Variants in SPRY3 observed in about 807,000 individuals in gnomAD.
SPRY3 encodes the protein protein sprouty homolog 3.
Under a neutral mutation model 20.2 loss-of-function variants are expected in SPRY3, and 15 were observed. The observed-to-expected ratio is 0.74, with a 90% CI of 0.50 to 1.14. The LOEUF (loss-of-function observed/expected upper bound fraction) is 1.14. SPRY3 is among the 50% of genes most tolerant of loss of function. The pLI, the probability that SPRY3 is intolerant of heterozygous loss-of-function variation, is 0.00. For synonymous variants in SPRY3, 143 were observed against 136.5 expected, an observed-to-expected ratio of 1.05 and a Z score of -0.33; for missense variants, 364 against 363.9, an observed-to-expected ratio of 1.00 and a Z score of 0.00.
chrX:155,748,864 C>G lies in SPRY3; in HGVS notation c.-281-19098C>G, dbSNP rs775278988. 3.2e-4 allele frequency among the ~76,000 whole-genome samples: 49 copies of G among 151,836 alleles called. 1 individual carries two copies. The highest frequency in any genetic ancestry group is 1.1e-3 in the African/African-American group (47 of 41,480). ...TTCACATGTACAGAAAATATGAATT[C>G]CAGCTAAAAACATTTTCTAATCTAG... On this transcript the variant is annotated intron_variant, in intron 2 of 3. Coordinates refer to ENST00000675360, the Ensembl canonical transcript of SPRY3.
downstream of SPRY3, chrX:155,779,147 C>T (rs1234214419): frequency 6.0e-6 from 1 of 166,948 alleles, no homozygotes; most frequent in African/African-American, 2.4e-5. Context: ...CAAATTCTTC[C>T]CCATGTGATA....
At chrX:155,692,290 C>A (rs946743246) in intron 2 of SPRY3, among the ~76,000 whole-genome samples, 2 of 110,818 alleles carry the variant, frequency 1.8e-5, no homozygotes, top group African/African-American at 6.6e-5. Context: ...TCCAGTTGTT[C>A]TAGCACTATT....
intron 2 of SPRY3, among the ~76,000 whole-genome samples, chrX:155,680,161 T>TGTG (rs1412084243): frequency 9.7e-6 from 1 of 102,952 alleles, no homozygotes; most frequent in Admixed American, 1.1e-4. Context: ...TGTGTGTGTG[T>TGTG]GTGTGTGTGT....
chrX:155,714,508 C>T (rs769521193), intron 2 of SPRY3, among the ~76,000 whole-genome samples: 43 of 152,228 alleles, frequency 2.8e-4, no homozygotes, highest in African/African-American at 9.4e-4. Flanking sequence ...TACTTTCTCC[C>T]AAACATATGG....
chrX:155,764,774 A>G (rs1309045043), intron 2 of SPRY3, among the ~76,000 whole-genome samples: 5 of 152,200 alleles, frequency 3.3e-5, no homozygotes, highest in African/African-American at 9.6e-5. Context: ...GAGAGAGGTG[A>G]TTAGGCAAGG....
intron 2 of SPRY3, among the ~76,000 whole-genome samples, chrX:155,757,078 C>A (rs1445631731): frequency 6.6e-6 from 1 of 152,138 alleles, no homozygotes; most frequent in African/African-American, 2.4e-5. Flanking sequence ...CATATTCTGT[C>A]ATTCCTCTGC....
intron 2 of SPRY3, among the ~76,000 whole-genome samples, chrX:155,670,738 G>A (rs899050075): frequency 3.6e-5 from 4 of 111,414 alleles, no homozygotes; most frequent in African/African-American, 1.3e-4. Context: ...CAATCTGTGG[G>A]GTAGGCAAAG....
At chrX:155,616,134 T>TCTCTCTCTCTCTCTCTCTCCC (rs1557348870) in intron 1 of SPRY3, among the ~76,000 whole-genome samples, 1 of 58,433 alleles carries the variant, frequency 1.7e-5, no homozygotes, top group Non-Finnish European at 4.2e-5. Flanking sequence ...CTCTCTCCTC[T>TCTCTCTCTCTCTCTCTCTCCC]CTCTCTCTCT....
chrX:155,774,455 T>G, exon 4 of SPRY3: 2 of 1,614,014 alleles, frequency 1.2e-6, no homozygotes, highest in Non-Finnish European at 1.7e-6. Flanking sequence ...AAGGGCCTCT[T>G]CTACCACTGC....
intron 2 of SPRY3, among the ~76,000 whole-genome samples, chrX:155,730,257 C>T (rs1213733962): frequency 6.6e-6 from 1 of 152,162 alleles, no homozygotes; most frequent in African/African-American, 2.4e-5. Context: ...AGGCCAACAT[C>T]CCTGATGAAC....
intron 2 of SPRY3, among the ~76,000 whole-genome samples, chrX:155,716,981 A>AATATATAT (rs749530944): frequency 0.015 from 959 of 63,284 alleles, 49 homozygotes; most frequent in African/African-American, 0.031. Context: ...TAAAATACAA[A>AATATATAT]ATATATATAT....
chrX:155,780,657 C>G (rs1369301342), downstream of SPRY3: 2 of 166,878 alleles, frequency 1.2e-5, no homozygotes, highest in Non-Finnish European at 2.9e-5. Context: ...CACACCAAGG[C>G]TTAACAGAAT....
At chrX:155,753,584 A>G (rs2091272536) in intron 2 of SPRY3, among the ~76,000 whole-genome samples, 2 of 151,886 alleles carry the variant, frequency 1.3e-5, no homozygotes, top group Non-Finnish European at 2.9e-5. Flanking sequence ...TTTTTTGGTT[A>G]TATATCTAGG....
intron 2 of SPRY3, among the ~76,000 whole-genome samples, chrX:155,683,227 C>T (rs1379953280): frequency 1.8e-5 from 2 of 112,276 alleles, no homozygotes; most frequent in African/African-American, 6.5e-5. Context: ...GAAAGAAGTT[C>T]TGCTGTGGGT....
intron 2 of SPRY3, among the ~76,000 whole-genome samples, chrX:155,756,196 C>G (rs2091282990): frequency 6.6e-6 from 1 of 152,084 alleles, no homozygotes; most frequent in South Asian, 2.1e-4. Flanking sequence ...GGAAAATGGT[C>G]ATATCAGCTA....
chrX:155,664,457 G>A (rs1476136184), intron 2 of SPRY3, among the ~76,000 whole-genome samples: 1 of 108,878 alleles, frequency 9.2e-6, no homozygotes, highest in East Asian at 2.9e-4. Context: ...ACTAGATAGT[G>A]AAACTTACCA....
At chrX:155,685,376 G>A (rs1483459924) in intron 2 of SPRY3, among the ~76,000 whole-genome samples, 1 of 107,018 alleles carries the variant, frequency 9.3e-6, no homozygotes, top group African/African-American at 3.4e-5. Context: ...AGTCCATGTA[G>A]TAATATTTGT....
exon 4 of SPRY3, chrX:155,774,487 T>A: frequency 6.2e-7 from 1 of 1,614,016 alleles, no homozygotes; most frequent in South Asian, 1.1e-5. Context: ...TGAAGACAAC[T>A]GTGCTGATGA....
intron 2 of SPRY3, among the ~76,000 whole-genome samples, chrX:155,742,031 A>G (rs1354457685): frequency 1.3e-5 from 2 of 152,150 alleles, no homozygotes; most frequent in Non-Finnish European, 1.5e-5. Context: ...AAATGCCCCA[A>G]TTAAAAGACA....
Sources: gnomAD v4.1 joint callset for allele counts (sites outside exome capture counted in the v4.1 genomes callset) on GRCh38, gnomAD v4.1.1 for gene constraint, MANE v1.5 for transcripts, NCBI Gene and HGNC (gene_info 2026-07-23, HGNC 2026-07-21) for gene names.